PIGS: variants seen among roughly 807,000 people sequenced by gnomAD.
PIGS encodes phosphatidylinositol glycan anchor biosynthesis class S.
PIGS carries 37 observed loss-of-function variants against 58.2 expected under a neutral mutation model. The ratio of observed to expected loss-of-function variants is 0.64; its 90% CI spans 0.49 to 0.84. PIGS has a LOEUF of 0.84. Ranked by LOEUF, PIGS falls within the 40% of genes least tolerant of loss-of-function variation. The pLI is 0.00. For synonymous variants in PIGS, 269 were observed against 289.2 expected, an observed-to-expected ratio of 0.93 and a Z score of 0.71; for missense variants, 629 against 710.8, an observed-to-expected ratio of 0.88 and a Z score of 1.31.
Position 28,561,469 on chromosome 17 carries a change from T to G in PIGS, c.629A>C (p.Glu210Ala), listed in dbSNP as rs1316630078. The change falls in exon 6 of 12, where the codon GAG becomes GCG. Residue 210 changes from glutamate (E) to alanine (A), a missense_variant. By Grantham distance (107) the Glu-to-Ala change is moderately radical. Transcript: ENST00000308360. The part of the protein sequence containing the change: ...LAAALADHLP[E>A]DKWSAEKRRP... ...CCTCTTCTCAGCGCTCCACTTGTCC[T>G]CTGGAAGGTGGTCAGCCAGAGCAGC... The G allele has an allele frequency of 6.2e-7, 1 of 1,614,024 alleles. No homozygotes were observed. The highest frequency in any genetic ancestry group is 8.5e-7 in the Non-Finnish European group (1 of 1,179,944).
At position 28,561,416 on chromosome 17, in the gene PIGS, C is replaced by T. The variant is rs2070363511; in HGVS notation, c.676+6G>A. ...TCCCTTCATGTGGCAGAGCCTGGTG[C>T]CCTACCCAAGCTGGACTTGAGAGGC... On this transcript the variant is annotated splice_donor_region_variant and intron_variant, in intron 6 of 11. Coordinates refer to ENST00000308360, the MANE Select transcript of PIGS (RefSeq NM_033198.4). The T allele has an allele frequency of 1.9e-6, 3 of 1,613,702 alleles. No homozygotes were observed. Among genetic ancestry groups the T allele is most frequent in the Admixed American group, 1.7e-5 (1 of 60,012 alleles).
At chr17:28,565,226 T>C (rs1432401909) in intron 3 of PIGS, among the ~76,000 whole-genome samples, 4 of 152,172 alleles carry the variant, frequency 2.6e-5, no homozygotes, top group African/African-American at 9.7e-5. Flanking sequence ...AATATCCAAT[T>C]AGAAACATCT....
Position 28,571,159 on chromosome 17 carries a change from A to G in PIGS, c.64T>C (p.Phe22Leu). 6.2e-7 allele frequency: 1 copy of G among 1,613,534 alleles called. No individual in the cohort carries two copies. Residue 22 changes from phenylalanine (F) to leucine (L), a missense_variant, in exon 2 of 12, where the codon TTC becomes CTC. Phe to Leu is a conservative substitution (Grantham distance 22, BLOSUM62 0). Coordinates refer to ENST00000308360, the MANE Select transcript of PIGS (RefSeq NM_033198.4). Reference protein sequence around the residue: ...EVARGKRAALFFAAVAIVLGL... With the variant: ...EVARGKRAALLFAAVAIVLGL... ...AGCACGATGGCCACCGCAGCGAAGA[A>G]GAGGGCGGCGCGCTTGCCCCGGGCC...
chr17:28,557,168 CAT>C, intron 8 of PIGS, 196 bp from the exon 9 acceptor site: 1 of 600,522 alleles, frequency 1.7e-6, no homozygotes, highest in Non-Finnish European at 2.8e-6. Context: ...CCGATGGAAA[CAT>C]AGTCCTTAGC....
Position 28,561,475 on chromosome 17 carries a change from A to G in PIGS, c.623T>C (p.Leu208Pro). 1 of 1,614,054 alleles carries G rather than the reference A, an allele frequency of 6.2e-7. No homozygotes were observed. Among genetic ancestry groups the G allele is most frequent in the Non-Finnish European group, 8.5e-7 (1 of 1,179,936 alleles). ...DVLAAALADH[L>P]PEDKWSAEKR... ...CTCAGCGCTCCACTTGTCCTCTGGAAGGTGGTCAGCCAGAGCAGCAGCAAG... is the reference window on the plus strand; with the variant it reads ...CTCAGCGCTCCACTTGTCCTCTGGAGGGTGGTCAGCCAGAGCAGCAGCAAG... The change falls in exon 6 of 12, where the codon CTT becomes CCT. Residue 208 changes from leucine (L) to proline (P), a missense_variant. Transcript: ENST00000308360.
intron 6 of PIGS, among the ~76,000 whole-genome samples, chr17:28,561,190 G>A (rs765119391): frequency 1.6e-4 from 24 of 151,798 alleles, no homozygotes; most frequent in Non-Finnish European, 2.4e-4. Context: ...CCCGGGAGGC[G>A]GAGCTTGCAG....
Position 28,571,106 on chromosome 17 carries a change from C to A in PIGS, c.117G>T (p.Thr39=). ...AAGGCAACGAGGCCCGGTAGGTCTC[C>A]GTGGTCTTCCACCAGAGCGGTAGCC... ...VLGLPLWWKT[T]ETYRASLPYS... The change falls in exon 2 of 12, where the codon ACG becomes ACT. Residue 39 remains threonine, a synonymous_variant. Transcript: ENST00000308360. The A allele has an allele frequency of 6.2e-7, 1 of 1,614,088 alleles. No individual in the cohort carries two copies. The highest frequency in any genetic ancestry group is 8.5e-7 in the Non-Finnish European group (1 of 1,180,054).
chr17:28,561,570 C>T lies in PIGS; in HGVS notation c.528G>A (p.Arg176=). Residue 176 remains arginine, a synonymous_variant, in exon 6 of 12, where the codon CGG becomes CGA. Coordinates refer to ENST00000308360, the MANE Select transcript of PIGS (RefSeq NM_033198.4). ...RTAVVRGIMH[R]EAFNIIGRRI... ...GGCGGCCAATGATGTTAAAGGCCTC[C>T]CGGTGCATTATCCCCCGCACCACTG... The T allele has an allele frequency of 1.2e-6, 2 of 1,613,792 alleles. No individual in the cohort carries two copies. The highest frequency in any genetic ancestry group is 1.7e-6 in the Non-Finnish European group (2 of 1,179,866).
In PIGS at chr17:28,571,472, T is replaced by C. The variant is rs770272089; in HGVS notation, c.25A>G (p.Thr9Ala). The change falls in exon 1 of 12, where the codon ACA (threonine) becomes GCA (alanine). Residue 9 changes from threonine to alanine, a missense_variant. Thr to Ala is a moderately conservative substitution (Grantham distance 58). Coordinates refer to ENST00000308360, the MANE Select transcript of PIGS (RefSeq NM_033198.4). ...CCGAAGCCCACCGCACCTAGGTGTG[T>C]AGCCGCAGCCCCGGCGGCCGCCATG... The part of the protein sequence containing the change: MAAAGAAA[T>A]HLEVARGKRA... 3 of 1,609,728 alleles carry C rather than the reference T, an allele frequency of 1.9e-6. No homozygotes were observed. In the African/African-American group the frequency reaches 4.0e-5, roughly 22 times the overall value.
intron 6 of PIGS, among the ~76,000 whole-genome samples, chr17:28,560,821 G>C (rs1446347009): frequency 6.6e-6 from 1 of 152,000 alleles, no homozygotes; most frequent in African/African-American, 2.4e-5. Context: ...AGCCAGACAT[G>C]GTGGCATGCA....
At chr17:28,557,171 A>G (rs552259200) in intron 8 of PIGS, 199 bp from the exon 9 acceptor site, 3 of 592,138 alleles carry the variant, frequency 5.1e-6, no homozygotes. Context: ...ATGGAAACAT[A>G]GTCCTTAGCT....
chr17:28,556,652 T>C, intron 9 of PIGS, 175 bp downstream of exon 9: 1 of 819,016 alleles, frequency 1.2e-6, no homozygotes, highest in East Asian at 2.6e-5. Context: ...GAAACAAAAG[T>C]GGGGCCGGCA....
chr17:28,555,998 A>C (rs2070324860), intron 10 of PIGS, 168 bp downstream of exon 10: 2 of 617,984 alleles, frequency 3.2e-6, no homozygotes, highest in African/African-American at 1.9e-5. Flanking sequence ...TTTGTCACCT[A>C]CTAGTCCTTC....
intron 3 of PIGS, among the ~76,000 whole-genome samples, chr17:28,564,905 AC>A (rs1180822494): frequency 6.6e-6 from 1 of 152,142 alleles, no homozygotes; most frequent in Non-Finnish European, 1.5e-5. Context: ...AAAACCACAC[AC>A]TTAATGACAA....
At chr17:28,564,203 G>A (rs1284647239) in intron 3 of PIGS, among the ~76,000 whole-genome samples, 1 of 152,184 alleles carries the variant, frequency 6.6e-6, no homozygotes, top group Admixed American at 6.5e-5. Context: ...TAGGCAAAAG[G>A]AGAAAAACTG....
chr17:28,555,003 T>C lies in PIGS; in HGVS notation c.1240A>G (p.Thr414Ala), dbSNP rs779823495. 6 of 1,611,050 alleles carry C rather than the reference T, an allele frequency of 3.7e-6. No individual in the cohort carries two copies. Among genetic ancestry groups the C allele is most frequent in the Non-Finnish European group, 2.5e-6 (3 of 1,178,400 alleles). ...TCCCAGGTCATTAGCCCTTCACTCGTAGGCCCTGAAAGCAGGCATTTTGGA... is the reference window on the plus strand; with the variant it reads ...TCCCAGGTCATTAGCCCTTCACTCGCAGGCCCTGAAAGCAGGCATTTTGGA... ...LPPKCLLSGP[T>A]SEGLMTWELD... Residue 414 changes from threonine to alanine, a missense_variant, in exon 11 of 12, where the codon ACG becomes GCG. Transcript: ENST00000308360.
intron 7 of PIGS, among the ~76,000 whole-genome samples, chr17:28,558,796 G>T (rs763672146): frequency 1.3e-5 from 2 of 152,076 alleles, no homozygotes; most frequent in Admixed American, 6.5e-5. Flanking sequence ...TAAAAATCAC[G>T]TATTTTACCA....
intron 7 of PIGS, 130 bp from the exon 8 acceptor site, chr17:28,558,720 A>C: frequency 2.9e-6 from 2 of 684,588 alleles, no homozygotes; most frequent in Non-Finnish European, 4.9e-6. Context: ...ATCAGGGCTG[A>C]GAGAAAATAA....
rs758491896 is a variant in PIGS, at chr17:28,554,877, CAAT to C, written c.1363_1365del (p.Ile455del). 7.4e-6 allele frequency: 12 copies of C among 1,614,172 alleles called. No individual in the cohort carries two copies. Among genetic ancestry groups the C allele is most frequent in the Non-Finnish European group, 1.0e-5 (12 of 1,180,032 alleles). Reference sequence around the variant, plus strand: ...TCAGATGCCACGTCGTCCTTAATGACAATGTTGCTGATCTTGCCCAGAAGCTGC... The same window carrying C: ...TCAGATGCCACGTCGTCCTTAATGACGTTGCTGATCTTGCCCAGAAGCTGC... On this transcript the variant is annotated inframe_deletion, in exon 11 of 12. Transcript: ENST00000308360.
Sources: allele counts gnomAD v4.1 joint callset (sites outside exome capture counted in the v4.1 genomes callset), GRCh38; gene constraint gnomAD v4.1.1; transcripts MANE v1.5; gene names NCBI Gene and HGNC (gene_info 2026-07-23, HGNC 2026-07-21).